Variants in GSE1 observed in about 807,000 individuals in gnomAD.
GSE1 encodes the protein Gse1 coiled-coil protein.
GSE1 carries 32 observed loss-of-function variants against 112.6 expected under a neutral mutation model. That is an observed-to-expected ratio of 0.28 (90% CI 0.21 to 0.38). The LOEUF (loss-of-function observed/expected upper bound fraction) is 0.38, where lower values mean the gene tolerates loss of function less well. Ranked by LOEUF, GSE1 falls within the 10% of genes least tolerant of loss-of-function variation. The pLI is 1.00. For missense variants in GSE1, 2,348 were observed against 1,699.2 expected, an observed-to-expected ratio of 1.38 and a Z score of -6.71; for synonymous variants, 1,115 against 735.6, an observed-to-expected ratio of 1.52 and a Z score of -8.35.
intron 3 of GSE1, among the ~76,000 whole-genome samples, chr16:85,651,348 G>A (rs577600927): frequency 2.7e-3 from 407 of 152,066 alleles, no homozygotes; most frequent in Non-Finnish European, 4.5e-3. Context: ...CCAGCCAGAC[G>A]GAAGCCACAG....
rs570649578 is a variant in GSE1 at position 85,324,380 on chromosome 16, C to A, written c.2284-33083C>A. On this transcript the variant is annotated intron_variant, in intron 1 of 2. Coordinates refer to the GSE1 transcript ENST00000637419. ...CAAAAATTAGCTGGGTGTGGTGGCG[C>A]ATGCCTGTAATCGCAGCTACTTGGG... 2.0e-5 allele frequency among the ~76,000 whole-genome samples: 3 copies of A among 152,122 alleles called. No individual in the cohort carries two copies. The South Asian group carries it at 6.2e-4, about 32-fold the overall frequency.
In GSE1 at chr16:85,656,330, C is replaced by G; in HGVS notation, c.990-13C>G. 2 of 1,610,302 alleles carry G rather than the reference C, an allele frequency of 1.2e-6. No individual in the cohort carries two copies. Among genetic ancestry groups the G allele is most frequent in the Non-Finnish European group, 1.7e-6 (2 of 1,178,614 alleles). ...GGTGCAGCAGAGCCCCCAACTCTTTCCATGTGCTGCAGGCTGCAGATGGAC... is the reference window on the plus strand; with the variant it reads ...GGTGCAGCAGAGCCCCCAACTCTTTGCATGTGCTGCAGGCTGCAGATGGAC... On this transcript the variant is annotated splice_polypyrimidine_tract_variant and intron_variant, in intron 6 of 15. Transcript: ENST00000253458.
chr16:85,607,837 C>A (rs1052955938), upstream of GSE1, among the ~76,000 whole-genome samples: 1 of 152,202 alleles, frequency 6.6e-6, no homozygotes, highest in Non-Finnish European at 1.5e-5. Flanking sequence ...GGCCTTCTTC[C>A]CTTGAGGCCC....
chr16:85,576,239 C>T (rs2046223306), intron 1 of GSE1, among the ~76,000 whole-genome samples: 2 of 152,130 alleles, frequency 1.3e-5, no homozygotes, highest in Non-Finnish European at 2.9e-5. Flanking sequence ...CACAATATTA[C>T]CAAATGCTTC....
At chr16:85,483,193 G>C (rs2050735385) in intron 2 of GSE1, among the ~76,000 whole-genome samples, 1 of 152,222 alleles carries the variant, frequency 6.6e-6, no homozygotes, top group Non-Finnish European at 1.5e-5. Context: ...ACATCTCACT[G>C]TGTATTAATA....
chr16:85,586,663 A>G (rs964171540), intron 1 of GSE1, among the ~76,000 whole-genome samples: 3 of 151,960 alleles, frequency 2.0e-5, no homozygotes, highest in African/African-American at 7.3e-5. Flanking sequence ...GCCGTGCTCC[A>G]TGGCTTCCCA....
intron 1 of GSE1, among the ~76,000 whole-genome samples, chr16:85,275,645 G>A (rs972199778): frequency 6.6e-6 from 1 of 152,208 alleles, no homozygotes; most frequent in Non-Finnish European, 1.5e-5. Context: ...TCCAGAGGTC[G>A]GTCCTAGACG....
At chr16:85,591,777 G>C (rs1027110065) in intron 1 of GSE1, among the ~76,000 whole-genome samples, 1 of 152,242 alleles carries the variant, frequency 6.6e-6, no homozygotes, top group African/African-American at 2.4e-5. Context: ...TGGACAGCCA[G>C]GGACGGTTCT....
chr16:85,520,407 G>A (rs1391541880), intron 2 of GSE1, among the ~76,000 whole-genome samples: 1 of 151,868 alleles, frequency 6.6e-6, no homozygotes, highest in African/African-American at 2.4e-5. Flanking sequence ...GTCTTGGAGG[G>A]ATCTTTCCAG....
chr16:85,674,894 G>T lies in GSE1; in HGVS notation c.*2355G>T. The T allele has an allele frequency of 6.6e-6, 1 of 152,616 alleles. No homozygotes were observed. The highest frequency in any genetic ancestry group is 1.9e-4 in the East Asian group (1 of 5,198). The allele number at this position is 152,616 out of a possible 1,614,324, so 9.5% of individuals were successfully genotyped here. On this transcript the variant is annotated 3_prime_UTR_variant, in exon 16 of 16. Transcript: ENST00000253458. The stretch of plus-strand genomic sequence containing the variant: ...CTCCCCATCCTTCCACCTACTTGTG[G>T]CGATCTGAGTACTCTACTCTTGCTC...
At chr16:85,304,923 C>T (rs950230498) in intron 1 of GSE1, among the ~76,000 whole-genome samples, 1 of 152,222 alleles carries the variant, frequency 6.6e-6, no homozygotes, top group African/African-American at 2.4e-5. Context: ...TAGCCCAGCA[C>T]TGAGTGACCC....
chr16:85,294,260 C>T (rs2151445996), intron 1 of GSE1, among the ~76,000 whole-genome samples: 1 of 152,288 alleles, frequency 6.6e-6, no homozygotes, highest in African/African-American at 2.4e-5. Flanking sequence ...CATATGGCTC[C>T]AGTCAGAGTC....
At chr16:85,213,235 C>G (rs1390211970) in intron 1 of GSE1, among the ~76,000 whole-genome samples, 1 of 150,722 alleles carries the variant, frequency 6.6e-6, no homozygotes, top group East Asian at 1.9e-4. Flanking sequence ...CACTACTGCA[C>G]TCCAGCCTGG....
At chr16:85,251,862 A>G (rs1253528158) in intron 1 of GSE1, among the ~76,000 whole-genome samples, 1 of 152,172 alleles carries the variant, frequency 6.6e-6, no homozygotes, top group East Asian at 1.9e-4. Flanking sequence ...CGGAACCCCT[A>G]TCCCATCCTC....
In GSE1 at chr16:85,662,973, T is replaced by G. The variant is rs2052553396; in HGVS notation, c.2261-8T>G. The G allele has an allele frequency of 6.4e-7, 1 of 1,559,372 alleles. No individual in the cohort carries two copies. The highest frequency in any genetic ancestry group is 1.4e-5 in the African/African-American group (1 of 73,640). Reference sequence around the variant, plus strand: ...TTGTCTGGCTGAATACAACCATTTCTCCATCAGGGTACTACTACGACCTCG... The same window carrying G: ...TTGTCTGGCTGAATACAACCATTTCGCCATCAGGGTACTACTACGACCTCG... On this transcript the variant is annotated splice_region_variant and splice_polypyrimidine_tract_variant and intron_variant, in intron 9 of 15. Coordinates refer to ENST00000253458, the MANE Select transcript of GSE1 (RefSeq NM_014615.5).
rs1012498872 is a variant in GSE1, at chr16:85,385,049, C to G, written c.2464+27406C>G. On this transcript the variant is annotated intron_variant, in intron 2 of 2. Coordinates refer to the GSE1 transcript ENST00000637419. ...AACACTTCCCATCATAAAAGTCTCA[C>G]TGGCTCCGCCACCTGCCCCGGGCCC... Among the ~76,000 whole-genome samples the G allele has an allele frequency of 7.9e-5, 12 of 152,372 alleles. 1 individual carries two copies. The highest frequency in any genetic ancestry group is 6.2e-4 in the South Asian group (3 of 4,830).
At chr16:85,242,681 AC>A (rs1396825937) in intron 1 of GSE1, among the ~76,000 whole-genome samples, 1 of 151,820 alleles carries the variant, frequency 6.6e-6, no homozygotes, top group Non-Finnish European at 1.5e-5. Context: ...AGCGACCCCG[AC>A]CCCACTGCTC....
At chr16:85,417,963 C>T (rs965457633) in intron 2 of GSE1, among the ~76,000 whole-genome samples, 7 of 152,204 alleles carry the variant, frequency 4.6e-5, no homozygotes, top group African/African-American at 1.7e-4. Flanking sequence ...CTCAGCCTTC[C>T]GAGTAGCTGG....
chr16:85,263,318 T>G (rs967486513), intron 1 of GSE1, among the ~76,000 whole-genome samples: 1 of 152,140 alleles, frequency 6.6e-6, no homozygotes, highest in African/African-American at 2.4e-5. Context: ...GGGCAGGGAT[T>G]GTGACGCTGG....
Sources: allele counts gnomAD v4.1 joint callset (sites outside exome capture counted in the v4.1 genomes callset), GRCh38; gene constraint gnomAD v4.1.1; transcripts MANE v1.5; gene names NCBI Gene and HGNC (gene_info 2026-07-23, HGNC 2026-07-21).